The following CAMTA1 variants were observed in gnomAD, a reference collection of about 807,000 sequenced individuals.
The protein encoded by CAMTA1 is calmodulin-binding transcription activator 1.
Under a neutral mutation model 170.9 loss-of-function variants are expected in CAMTA1, and 27 were observed. The observed-to-expected ratio is 0.16, with a 90% confidence interval of 0.12 to 0.22. The LOEUF (loss-of-function observed/expected upper bound fraction) is 0.22, where lower values mean the gene tolerates loss of function less well. Ranked by LOEUF, CAMTA1 falls within the 10% of genes least tolerant of loss-of-function variation. CAMTA1 has a pLI of 1.00. For synonymous variants in CAMTA1, 833 were observed against 891.5 expected (o/e 0.93, Z 1.17); for missense variants, 1,619 against 2,217.2 (o/e 0.73, Z 5.42).
chr1:7,228,370 A>G (rs1361735834), intron 4 of CAMTA1, among the ~76,000 whole-genome samples: 1 of 152,194 alleles, frequency 6.6e-6, no homozygotes, highest in Non-Finnish European at 1.5e-5. Context: ...TGGGGGGCCG[A>G]GGCGGGCAGG....
At chr1:7,626,674 G>A (rs2095635820) in intron 6 of CAMTA1, among the ~76,000 whole-genome samples, 1 of 148,882 alleles carries the variant, frequency 6.7e-6, no homozygotes, top group Non-Finnish European at 1.5e-5. Flanking sequence ...GCAGAGGGTG[G>A]GGGTCGGGTG....
At chr1:7,208,970 G>A (rs1658266005) in intron 4 of CAMTA1, among the ~76,000 whole-genome samples, 1 of 152,174 alleles carries the variant, frequency 6.6e-6, no homozygotes, top group Admixed American at 6.5e-5. Context: ...TCTGTCCTGG[G>A]TGGGGCCGTG....
Position 6,887,773 on chromosome 1 carries a change from C to T in CAMTA1, c.234+62563C>T, listed in dbSNP as rs1219077421. 2.6e-6 allele frequency: 4 copies of T among 1,533,070 alleles called. No individual in the cohort carries two copies. Among genetic ancestry groups the T allele is most frequent in the East Asian group, 4.9e-5 (2 of 40,888 alleles). The allele number at this position is 1,533,070 out of a possible 1,614,324, so 95.0% of individuals were successfully genotyped here. On this transcript the variant is annotated intron_variant, in intron 3 of 22. Coordinates refer to ENST00000303635, the MANE Select transcript of CAMTA1 (RefSeq NM_015215.4). The surrounding 1 kb of genome is among the most constrained non-coding windows in gnomAD (Gnocchi z 4.1). ...GAATTCGTAGGGAGAGCTTTCCCAT[C>T]CTGCCAGCCCCATGTCTGGCTTTAA...
rs557133670 is a variant in CAMTA1, at chr1:7,544,171, T to C, written c.510+76270T>C. On this transcript the variant is annotated intron_variant, in intron 6 of 22. Coordinates refer to ENST00000303635, the MANE Select transcript of CAMTA1 (RefSeq NM_015215.4). ...CATGGCTGGGGAGGCCTCAGAATCA[T>C]GGTGGGAAGCAAAAGGCACTTCTTA... Among the ~76,000 whole-genome samples, 43 of 152,270 alleles carry C rather than the reference T, an allele frequency of 2.8e-4. 1 individual carries two copies. The highest frequency in any genetic ancestry group is 1.4e-3 in the Admixed American group (21 of 15,286).
intron 3 of CAMTA1, among the ~76,000 whole-genome samples, chr1:6,957,763 C>T (rs186144395): frequency 2.0e-5 from 3 of 151,446 alleles, no homozygotes; most frequent in East Asian, 1.9e-4. Flanking sequence ...CACCATGTAA[C>T]GTAGTATATT....
rs562106756 is a variant in CAMTA1, at chr1:7,218,261, G to T, written c.303-31230G>T. The stretch of plus-strand genomic sequence containing the variant: ...ATCGTTGAGGTTTTTAATTCAGTTT[G>T]TAGTGTTATGACACAGTTCCTCCCC... On this transcript the variant is annotated intron_variant, in intron 4 of 22. Coordinates refer to ENST00000303635, the MANE Select transcript of CAMTA1 (RefSeq NM_015215.4). 2.0e-5 allele frequency among the ~76,000 whole-genome samples: 3 copies of T among 152,330 alleles called. No individual in the cohort carries two copies. In the East Asian group the frequency reaches 5.8e-4, roughly 29 times the overall value.
chr1:7,722,813 T>A (rs2096658278), intron 11 of CAMTA1, among the ~76,000 whole-genome samples: 2 of 152,102 alleles, frequency 1.3e-5, no homozygotes, highest in South Asian at 2.1e-4. Flanking sequence ...CTGGGCATGG[T>A]GGCTCATGCC....
At chr1:6,980,913 T>C (rs6701312) in intron 3 of CAMTA1, among the ~76,000 whole-genome samples, 78,108 of 152,090 alleles carry the variant, frequency 0.51, 20,406 homozygotes, top group African/African-American at 0.61. Flanking sequence ...TCACAGAGGA[T>C]ACGAGATTGA....
chr1:7,092,869 A>C lies in CAMTA1; in HGVS notation c.302+1498A>C, dbSNP rs910482177. On this transcript the variant is annotated intron_variant, in intron 4 of 22. Coordinates refer to ENST00000303635, the MANE Select transcript of CAMTA1 (RefSeq NM_015215.4). This position sits in a 1 kb window ranked among gnomAD's most constrained non-coding sequence, Gnocchi z 5.0. ...GTCTCCCAGAGGAGGGCAGAGGCTT[A>C]CAAGCCCAAGGCAGTTGATGCAGGT... Among the ~76,000 whole-genome samples the C allele has an allele frequency of 1.3e-5, 2 of 152,190 alleles. No individual in the cohort carries two copies. The highest frequency in any genetic ancestry group is 4.8e-5 in the African/African-American group (2 of 41,438).
intron 3 of CAMTA1, among the ~76,000 whole-genome samples, chr1:6,858,376 A>G (rs889165315): frequency 6.7e-6 from 1 of 149,640 alleles, no homozygotes; most frequent in Admixed American, 6.7e-5. Context: ...TTGAGATTAC[A>G]TATCACTTTG....
intron 1 of CAMTA1, among the ~76,000 whole-genome samples, chr1:6,793,728 CCTTT>C (rs1641777461): frequency 6.6e-6 from 1 of 152,004 alleles, no homozygotes; most frequent in African/African-American, 2.4e-5. Flanking sequence ...AGAGAGAAAG[CCTTT>C]CTTTTTACAA....
intron 5 of CAMTA1, among the ~76,000 whole-genome samples, chr1:7,284,207 A>C (rs1192062024): frequency 2.9e-4 from 41 of 139,964 alleles, no homozygotes; most frequent in African/African-American, 1.1e-3. Flanking sequence ...TATTATTATT[A>C]TTATTATTAT....
At chr1:7,758,610 T>C (rs1042092480) in intron 22 of CAMTA1, among the ~76,000 whole-genome samples, 3 of 152,186 alleles carry the variant, frequency 2.0e-5, no homozygotes, top group African/African-American at 7.2e-5. Flanking sequence ...CTGAGGAAGA[T>C]TTATAGTCGT....
intron 1 of CAMTA1, among the ~76,000 whole-genome samples, chr1:6,803,342 C>T (rs1644112422): frequency 6.6e-6 from 1 of 152,204 alleles, no homozygotes. Flanking sequence ...AAAACAGCCT[C>T]TCTTTAAGTG....
At chr1:6,849,635 T>TTA (rs1276657817) in intron 3 of CAMTA1, among the ~76,000 whole-genome samples, 23 of 149,894 alleles carry the variant, frequency 1.5e-4, no homozygotes, top group South Asian at 1.1e-3. Flanking sequence ...AAAAAAAAAA[T>TTA]TATATATATA....
At position 7,664,667 on chromosome 1, in the gene CAMTA1, C is replaced by G. The variant is rs141259598; in HGVS notation, c.2120C>G (p.Ser707Cys). 7.2e-4 allele frequency: 1,156 copies of G among 1,604,698 alleles called. 2 individuals carry two copies. The highest frequency in any genetic ancestry group is 8.8e-4 in the Non-Finnish European group (1,028 of 1,173,156). The change falls in exon 9 of 23, where the codon TCT becomes TGT. Residue 707 changes from serine to cysteine, a missense_variant. Physicochemically the swap from Ser to Cys is moderately radical, Grantham distance 112. Around this residue, in one of 8 missense-constraint regions of CAMTA1, gnomAD observed 731 missense variants for 907.6 expected, o/e 0.81. Transcript: ENST00000303635. ...AAEGSEVLLK[S>C]GELQACSSEH... ...GAAGGGAGCGAGGTCCTGCTCAAGT[C>G]TGGGGAGCTGCAGGCTTGCAGCTCT...
In CAMTA1 at chr1:7,437,997, C is replaced by T. The variant is rs191728028; in HGVS notation, c.439-29833C>T. ...GAGAGCTAAGAATGAAGTCACGTGA[C>T]GGGAAATCACAGAGGGCCTTGCTGA... On this transcript the variant is annotated intron_variant, in intron 5 of 22. Coordinates refer to ENST00000303635, the MANE Select transcript of CAMTA1 (RefSeq NM_015215.4). 9.2e-3 allele frequency among the ~76,000 whole-genome samples: 1,396 copies of T among 152,280 alleles called. 15 individuals carry two copies. Among genetic ancestry groups the T allele is most frequent in the African/African-American group, 0.02 (835 of 41,550 alleles).
At position 7,101,755 on chromosome 1, in the gene CAMTA1, GAC is replaced by G. The variant is rs1172071503; in HGVS notation, c.302+10388_302+10389del. ...GATACACAACTACACATGTACACAT[GAC>G]ACATATGCATGAACAAATTTGTAAC... On this transcript the variant is annotated intron_variant, in intron 4 of 22. Transcript: ENST00000303635. Among the ~76,000 whole-genome samples, 5 of 152,070 alleles carry G rather than the reference GAC, an allele frequency of 3.3e-5. No homozygotes were observed. The East Asian group carries it at 7.7e-4, about 23-fold the overall frequency.
At position 7,426,969 on chromosome 1, in the gene CAMTA1, G is replaced by A. The variant is rs923353800; in HGVS notation, c.439-40861G>A. ...TTGCTCAGCGGTGGCGTTCAGAATC[G>A]TGTTTTCCTTACTCAACATTCCCAG... On this transcript the variant is annotated intron_variant, in intron 5 of 22. Coordinates refer to ENST00000303635, the MANE Select transcript of CAMTA1 (RefSeq NM_015215.4). The surrounding 1 kb of genome is among the most constrained non-coding windows in gnomAD (Gnocchi z 4.8). Among the ~76,000 whole-genome samples, 1 of 152,074 alleles carries A rather than the reference G, an allele frequency of 6.6e-6. No individual in the cohort carries two copies. Among genetic ancestry groups the A allele is most frequent in the African/African-American group, 2.4e-5 (1 of 41,404 alleles).
Sources: gnomAD v4.1 joint callset for allele counts (sites outside exome capture counted in the v4.1 genomes callset) on GRCh38, gnomAD v4.1.1 for gene constraint, gnomAD v4.1.1 regional missense constraint, Gnocchi (gnomAD v3.1) non-coding constraint, MANE v1.5 for transcripts, NCBI Gene and HGNC (gene_info 2026-07-23, HGNC 2026-07-21) for gene names.